ARCN1: variants seen among roughly 807,000 people sequenced by gnomAD.
ARCN1 encodes the protein coatomer subunit delta.
A neutral mutation model predicts 60.4 loss-of-function variants in ARCN1; 5 were observed. That is an observed-to-expected ratio of 0.08 (90% confidence interval 0.04 to 0.17). The LOEUF (loss-of-function observed/expected upper bound fraction) is 0.17. ARCN1 is among the 10% of genes least tolerant of loss of function. The pLI is 1.00. For synonymous variants in ARCN1, 224 were observed against 220.0 expected, an observed-to-expected ratio of 1.02 and a Z score of -0.16; for missense variants, 464 against 626.5, an observed-to-expected ratio of 0.74 and a Z score of 2.77.
At position 118,583,819 on chromosome 11, in the gene ARCN1, G is replaced by A. The variant is rs1555075021; in HGVS notation, c.458G>A (p.Arg153His). The stretch of plus-strand genomic sequence containing the variant: ...TGTCTTTTTCTGTAGACTCAAGAAC[G>A]TGAAGCTAAGGCTGAGATGCGTCGT... ...VFRAVRETQEREAKAEMRRKA... is the reference protein window; with the variant it reads ...VFRAVRETQEHEAKAEMRRKA... Residue 153 changes from arginine to histidine, a missense_variant, in exon 4 of 10, where the codon CGT becomes CAT. Arg to His is a conservative substitution (Grantham distance 29). Transcript: ENST00000264028. 4 of 1,613,962 alleles carry A rather than the reference G, an allele frequency of 2.5e-6. No individual in the cohort carries two copies. The highest frequency in any genetic ancestry group is 3.4e-6 in the Non-Finnish European group (4 of 1,179,982).
At chr11:118,582,682 T>C (rs1402650075) in intron 2 of ARCN1, among the ~76,000 whole-genome samples, 239 of 133,454 alleles carry the variant, frequency 1.8e-3, no homozygotes, top group African/African-American at 5.4e-3. Context: ...GCCGAGATCG[T>C]GCCACTGCAC....
At chr11:118,572,596 C>G in intron 1 of ARCN1, 46 bp downstream of exon 1, 1 of 1,595,772 alleles carries the variant, frequency 6.3e-7, no homozygotes, top group Non-Finnish European at 8.5e-7. Context: ...CGAGCCTCAC[C>G]GTCTCTCCTT....
At chr11:118,597,035 C>T (rs1045602978) in intron 8 of ARCN1, among the ~76,000 whole-genome samples, 8 of 152,266 alleles carry the variant, frequency 5.3e-5, no homozygotes, top group South Asian at 2.1e-4. Context: ...GGTGAAACCC[C>T]GCCTCTACTA....
chr11:118,576,405 G>T (rs1591380106), intron 1 of ARCN1, among the ~76,000 whole-genome samples: 1 of 113,456 alleles, frequency 8.8e-6, no homozygotes. Context: ...TTTAGATCTG[G>T]AATGTTTTTT....
At chr11:118,579,604 C>T (rs1555074271) in intron 1 of ARCN1, among the ~76,000 whole-genome samples, 1 of 151,232 alleles carries the variant, frequency 6.6e-6, no homozygotes, top group Admixed American at 6.6e-5. Flanking sequence ...AGGAGAATCA[C>T]TTGAACCTGG....
intron 6 of ARCN1, 72 bp from the exon 7 acceptor site, chr11:118,592,637 C>T (rs1353287035): frequency 1.7e-6 from 2 of 1,192,084 alleles, no homozygotes; most frequent in Non-Finnish European, 1.2e-6. Flanking sequence ...GATTGTGGGC[C>T]ATATAAGCCT....
Position 118,601,320 on chromosome 11 carries a change from C to T in ARCN1, c.*606C>T. The T allele has an allele frequency of 2.4e-6, 1 of 424,726 alleles. No homozygotes were observed. Among genetic ancestry groups the T allele is most frequent in the South Asian group, 1.8e-5 (1 of 55,606 alleles). The allele number at this position is 424,726 out of a possible 1,614,324, so 26.3% of individuals were successfully genotyped here. On this transcript the variant is annotated 3_prime_UTR_variant, in exon 10 of 10. Transcript: ENST00000264028. ...CAGGCAATCCGCCCACCTCAGCCTC[C>T]CAAAGTGTTGGGATTACAGGCATGA...
intron 6 of ARCN1, among the ~76,000 whole-genome samples, chr11:118,592,111 G>C (rs1938926206): frequency 1.3e-5 from 2 of 152,052 alleles, no homozygotes; most frequent in Admixed American, 1.3e-4. Flanking sequence ...ATTTTTAATA[G>C]AGATAGGGTT....
chr11:118,592,553 CTT>C (rs1938935816), intron 6 of ARCN1, among the ~76,000 whole-genome samples, 154 bp from the exon 7 acceptor site: 1 of 151,876 alleles, frequency 6.6e-6, no homozygotes, highest in South Asian at 2.1e-4. Context: ...TAAAATAAGT[CTT>C]TGAAGAAGGG....
In ARCN1 at chr11:118,593,675, T is replaced by C. The variant is rs1938962400; in HGVS notation, c.1218T>C (p.Asp406=). ...AAGAAGATAATTTAGAACTGAATGA[T>C]GTGGTTATCACCATCCCACTCCCGT... is the stretch of plus-strand genomic sequence containing the variant. The part of the protein sequence containing the change: ...ELQEDNLELN[D]VVITIPLPSG... Residue 406 remains aspartate (D), a synonymous_variant, in exon 8 of 10, where the codon GAT becomes GAC. Coordinates refer to ENST00000264028, the MANE Select transcript of ARCN1 (RefSeq NM_001655.5). The C allele has an allele frequency of 3.1e-6, 5 of 1,612,376 alleles. No homozygotes were observed. The highest frequency in any genetic ancestry group is 3.4e-6 in the Non-Finnish European group (4 of 1,178,436).
intron 2 of ARCN1, among the ~76,000 whole-genome samples, chr11:118,581,966 A>ACACACACACACACACACC (rs1472826072): frequency 4.2e-4 from 63 of 150,012 alleles, no homozygotes; most frequent in South Asian, 1.5e-3. Context: ...ACACACACAC[A>ACACACACACACACACACC]CCTTTTAAGA....
intron 1 of ARCN1, chr11:118,573,807 T>C (rs1365790939): frequency 4.0e-6 from 2 of 501,682 alleles, no homozygotes; most frequent in African/African-American, 4.0e-5. Context: ...ATCAAACAGG[T>C]TTGCCTCCTA....
chr11:118,592,926 C>G, intron 7 of ARCN1, 70 bp downstream of exon 7: 1 of 1,430,096 alleles, frequency 7.0e-7, no homozygotes, highest in Non-Finnish European at 9.4e-7. Flanking sequence ...TGCTGGTACA[C>G]TTTTATTTTT....
intron 1 of ARCN1, among the ~76,000 whole-genome samples, chr11:118,578,909 TAAAA>T (rs1938588231): frequency 5.8e-5 from 5 of 85,908 alleles, no homozygotes; most frequent in Non-Finnish European, 9.5e-5. Flanking sequence ...TTTTTTTTAA[TAAAA>T]AAAGAAAAAT....
intron 8 of ARCN1, among the ~76,000 whole-genome samples, chr11:118,596,443 C>T (rs991061158): frequency 1.3e-5 from 2 of 152,156 alleles, no homozygotes; most frequent in African/African-American, 2.4e-5. Flanking sequence ...GAGACCCTTA[C>T]ACAACATTTT....
In ARCN1 at chr11:118,581,512, A is replaced by G. The variant is rs1938648629; in HGVS notation, c.267+3A>G. The stretch of plus-strand genomic sequence containing the variant: ...CCCTAAGGCTCTTCTCAAGAGTGGT[A>G]AGAGTACTGCTATAATACTGGGTTC... On this transcript the variant is annotated splice_donor_region_variant and intron_variant, in intron 2 of 9. Transcript: ENST00000264028. 6.2e-7 allele frequency: 1 copy of G among 1,608,554 alleles called. No individual in the cohort carries two copies. Among genetic ancestry groups the G allele is most frequent in the Non-Finnish European group, 8.5e-7 (1 of 1,176,858 alleles).
At position 118,572,448 on chromosome 11, in the gene ARCN1, G is replaced by A. The variant is rs541528540; in HGVS notation, c.-100G>A. On this transcript the variant is annotated 5_prime_UTR_variant, in exon 1 of 10. Transcript: ENST00000264028. Reference sequence around the variant, plus strand: ...CGAAGCGGCAGCGGTTCCTGTCAAGGGGGCAGCAGGTCCAGAGCTGCTGGT... The same window carrying A: ...CGAAGCGGCAGCGGTTCCTGTCAAGAGGGCAGCAGGTCCAGAGCTGCTGGT... 9 of 1,313,490 alleles carry A rather than the reference G, an allele frequency of 6.9e-6. No homozygotes were observed. The highest frequency in any genetic ancestry group is 4.5e-5 in the African/African-American group (3 of 67,120). The allele number at this position is 1,313,490 out of a possible 1,614,324, so 81.4% of individuals were successfully genotyped here. A position where few individuals can be genotyped will look rare whatever the true frequency, so the allele number is the denominator to read the frequency against.
At chr11:118,598,939 G>A (rs998259814) in intron 9 of ARCN1, among the ~76,000 whole-genome samples, 11 of 150,894 alleles carry the variant, frequency 7.3e-5, no homozygotes, top group Middle Eastern at 3.4e-3. Flanking sequence ...GATTACATGC[G>A]CCTGCCACCA....
intron 5 of ARCN1, among the ~76,000 whole-genome samples, chr11:118,589,563 G>A (rs1167545771): frequency 1.3e-5 from 2 of 152,014 alleles, no homozygotes; most frequent in Admixed American, 6.6e-5. Context: ...CTGAGTAGGC[G>A]CCCGTCACCA....
Sources: allele counts gnomAD v4.1 joint callset (sites outside exome capture counted in the v4.1 genomes callset), GRCh38; gene constraint gnomAD v4.1.1; transcripts MANE v1.5; gene names NCBI Gene and HGNC (gene_info 2026-07-23, HGNC 2026-07-21).